Variants in SPAG16 observed in about 807,000 individuals in gnomAD.
The protein encoded by SPAG16 is sperm-associated antigen 16 protein.
In SPAG16, 86 loss-of-function variants were observed where a neutral mutation model predicts 80.4. That is an observed-to-expected ratio of 1.07 (90% CI 0.90 to 1.28). The LOEUF (loss-of-function observed/expected upper bound fraction) is 1.28, where lower values mean the gene tolerates loss of function less well. Ranked by LOEUF, SPAG16 falls within the 50% of genes most tolerant of loss-of-function variation. The probability of loss-of-function intolerance (pLI) is 0.00; values close to 1 mark genes in which losing one functional copy is unlikely to be tolerated. For missense variants in SPAG16, 870 were observed against 765.3 expected (o/e 1.14, Z -1.61); for synonymous variants, 294 against 265.9 (o/e 1.11, Z -1.03).
chr2:214,130,990 C>T (rs1437537646), intron 14 of SPAG16, among the ~76,000 whole-genome samples: 2 of 152,142 alleles, frequency 1.3e-5, no homozygotes, highest in Non-Finnish European at 2.9e-5. Context: ...AATTTTGCAT[C>T]GTATTTGGCA....
chr2:214,142,421 TCTC>T (rs2055409398), intron 14 of SPAG16, among the ~76,000 whole-genome samples: 1 of 152,198 alleles, frequency 6.6e-6, no homozygotes. Flanking sequence ...TAGCTTTAGA[TCTC>T]CTTGCATGTT....
intron 12 of SPAG16, among the ~76,000 whole-genome samples, chr2:213,977,255 A>T (rs2045460031): frequency 6.6e-6 from 1 of 152,008 alleles, no homozygotes. Flanking sequence ...GCCCCCCAGG[A>T]TTCCCCAAAA....
At chr2:213,678,055 G>A (rs1236890525) in intron 10 of SPAG16, among the ~76,000 whole-genome samples, 1 of 152,022 alleles carries the variant, frequency 6.6e-6, no homozygotes, top group African/African-American at 2.4e-5. Flanking sequence ...AAATAAAGAT[G>A]TTCTTTGAAA....
rs773866489 is a variant in SPAG16, at chr2:213,929,991, A to G, written c.1246A>G (p.Thr416Ala). The G allele has an allele frequency of 1.2e-6, 2 of 1,613,256 alleles. No homozygotes were observed. Among genetic ancestry groups the G allele is most frequent in the South Asian group, 2.2e-5 (2 of 90,780 alleles). Reference sequence around the variant, plus strand: ...CAAATTGGCTACTTCAAGTGGTGACACTACAGTTAAATTATGGGATCTATG... The same window carrying G: ...CAAATTGGCTACTTCAAGTGGTGACGCTACAGTTAAATTATGGGATCTATG... ...GDKLATSSGD[T>A]TVKLWDLCKG... is the part of the protein sequence containing the mutation. Residue 416 changes from threonine to alanine, a missense_variant, in exon 12 of 16, where the codon ACT becomes GCT. Transcript: ENST00000331683.
At chr2:214,073,938 T>G (rs2050934788) in intron 13 of SPAG16, among the ~76,000 whole-genome samples, 1 of 152,186 alleles carries the variant, frequency 6.6e-6, no homozygotes, top group Non-Finnish European at 1.5e-5. Flanking sequence ...GTAATTGCAA[T>G]GGATTGAATG....
intron 10 of SPAG16, among the ~76,000 whole-genome samples, chr2:213,785,726 A>G (rs1202688864): frequency 6.6e-6 from 1 of 152,186 alleles, no homozygotes; most frequent in Non-Finnish European, 1.5e-5. Flanking sequence ...TATTCTTCAA[A>G]AGAAGTTTAG....
chr2:213,516,514 A>G (rs2075429780), intron 10 of SPAG16, among the ~76,000 whole-genome samples: 1 of 152,198 alleles, frequency 6.6e-6, no homozygotes, highest in South Asian at 2.1e-4. Context: ...GTTGCGCTAT[A>G]TACCCCTAAG....
At chr2:213,702,520 G>A (rs140957330) in intron 10 of SPAG16, among the ~76,000 whole-genome samples, 5 of 152,244 alleles carry the variant, frequency 3.3e-5, no homozygotes, top group Admixed American at 1.3e-4. Context: ...GAACTGTAAC[G>A]CCGCGAGGGT....
chr2:214,399,170 T>A (rs1701569357), intron 15 of SPAG16, among the ~76,000 whole-genome samples: 1 of 152,162 alleles, frequency 6.6e-6, no homozygotes, highest in Admixed American at 6.5e-5. Context: ...TTTTTAATCA[T>A]CCGATTATAC....
intron 15 of SPAG16, among the ~76,000 whole-genome samples, chr2:214,236,012 G>A (rs1689051712): frequency 6.6e-6 from 1 of 152,024 alleles, no homozygotes; most frequent in African/African-American, 2.4e-5. Context: ...GAAGAAAATG[G>A]GCATTAAATT....
chr2:213,942,601 G>A (rs528540948), intron 12 of SPAG16, among the ~76,000 whole-genome samples: 69 of 152,152 alleles, frequency 4.5e-4, no homozygotes, highest in Non-Finnish European at 7.5e-4. Flanking sequence ...AGCTTCAGTT[G>A]GGACAGCTGG....
At chr2:214,181,972 C>T (rs769380999) in intron 15 of SPAG16, among the ~76,000 whole-genome samples, 3 of 151,648 alleles carry the variant, frequency 2.0e-5, no homozygotes, top group Admixed American at 6.6e-5. Flanking sequence ...TCTTCATACA[C>T]GTACAAACTC....
At chr2:213,701,672 C>T (rs187786733) in intron 10 of SPAG16, among the ~76,000 whole-genome samples, 65 of 152,288 alleles carry the variant, frequency 4.3e-4, no homozygotes, top group Middle Eastern at 3.4e-3. Flanking sequence ...ATCCACTAGG[C>T]GAAGCTAGCT....
At chr2:214,314,281 G>T (rs1695531531) in intron 15 of SPAG16, among the ~76,000 whole-genome samples, 1 of 152,080 alleles carries the variant, frequency 6.6e-6, no homozygotes, top group East Asian at 1.9e-4. Context: ...TGTAAATATG[G>T]TTGTAGCTGC....
intron 10 of SPAG16, among the ~76,000 whole-genome samples, chr2:213,554,473 G>A (rs1463137767): frequency 6.6e-6 from 1 of 152,112 alleles, no homozygotes; most frequent in Non-Finnish European, 1.5e-5. Context: ...AAGCCAATAA[G>A]ATTTAGCATT....
intron 9 of SPAG16, among the ~76,000 whole-genome samples, chr2:213,427,869 C>T (rs2070037269): frequency 6.6e-6 from 1 of 152,136 alleles, no homozygotes; most frequent in South Asian, 2.1e-4. Context: ...GTAAAATATT[C>T]AGTGTAGATT....
chr2:213,808,125 G>A (rs1013329357), intron 10 of SPAG16, among the ~76,000 whole-genome samples: 4 of 152,166 alleles, frequency 2.6e-5, no homozygotes, highest in Non-Finnish European at 5.9e-5. Context: ...ACGTATGAAT[G>A]AGGCTGTTCT....
chr2:213,449,249 C>T (rs928723547), intron 9 of SPAG16, among the ~76,000 whole-genome samples: 1 of 152,256 alleles, frequency 6.6e-6, no homozygotes, highest in South Asian at 2.1e-4. Context: ...CTCTTGAACC[C>T]TGTTTTCTGT....
At chr2:213,873,828 A>G (rs184036585) in intron 11 of SPAG16, among the ~76,000 whole-genome samples, 13 of 152,176 alleles carry the variant, frequency 8.5e-5, no homozygotes, top group Admixed American at 6.6e-4. Flanking sequence ...TAAATGCATC[A>G]TTAGGCAATT....
Sources: allele counts gnomAD v4.1 joint callset (sites outside exome capture counted in the v4.1 genomes callset), GRCh38; gene constraint gnomAD v4.1.1; transcripts MANE v1.5; gene names NCBI Gene and HGNC (gene_info 2026-07-23, HGNC 2026-07-21).